Variants in PFKFB2 observed in about 807,000 individuals in gnomAD.
PFKFB2 encodes 6-phosphofructo-2-kinase/fructose-2,6-biphosphatase 2, also known as 6-phosphofructo-2-kinase/fructose-2,6-bisphosphatase 2.
PFKFB2 carries 53 observed loss-of-function variants against 68.0 expected under a neutral mutation model. The observed-to-expected ratio is 0.78, with a 90% CI of 0.63 to 0.98. The LOEUF is 0.98. Ranked by LOEUF, PFKFB2 falls within the 50% of genes least tolerant of loss-of-function variation. The pLI, the probability that PFKFB2 is intolerant of heterozygous loss-of-function variation, is 0.00. For missense variants in PFKFB2, 451 were observed against 642.0 expected (o/e 0.70, Z 3.22); for synonymous variants, 222 against 227.6 (o/e 0.98, Z 0.22).
At chr1:207,047,908 TAA>T (rs1479303984) in intron 2 of PFKFB2, 1 of 152,230 alleles carries the variant, frequency 6.6e-6, no homozygotes, top group East Asian at 1.9e-4. Flanking sequence ...TGAAATTATT[TAA>T]AATAACTTTA....
chr1:207,047,683 G>C (rs1239014791), intron 2 of PFKFB2: 1 of 152,602 alleles, frequency 6.6e-6, no homozygotes, highest in Non-Finnish European at 1.5e-5. Context: ...GTTTTAGAGG[G>C]TGTGCCTTGC....
At chr1:207,049,386 A>C, upstream of PFKFB2, 1 of 1,614,172 alleles carries the variant, frequency 6.2e-7, no homozygotes, top group Non-Finnish European at 8.5e-7. Flanking sequence ...ACTTGGACAA[A>C]ATCGATATCT....
intron 2 of PFKFB2, among the ~76,000 whole-genome samples, chr1:207,059,571 T>G (rs1041399351): frequency 2.0e-5 from 3 of 152,164 alleles, no homozygotes; most frequent in African/African-American, 7.2e-5. Flanking sequence ...TGAAAATCAC[T>G]TATGTTGCTC....
intron 2 of PFKFB2, among the ~76,000 whole-genome samples, chr1:207,056,011 T>G (rs1034055067): frequency 1.3e-5 from 2 of 152,194 alleles, no homozygotes; most frequent in Admixed American, 6.5e-5. Context: ...TCAGACTGCC[T>G]GAGTTTGAAT....
intron 2 of PFKFB2, chr1:207,048,197 A>G (rs1682643713): frequency 6.6e-6 from 1 of 152,654 alleles, no homozygotes; most frequent in Admixed American, 6.5e-5. Context: ...GAATTGCATT[A>G]AAACACGAGG....
chr1:207,050,429 A>G (rs1682710037), upstream of PFKFB2, among the ~76,000 whole-genome samples: 1 of 152,214 alleles, frequency 6.6e-6, no homozygotes, highest in African/African-American at 2.4e-5. Context: ...GGATAGTTTC[A>G]AAGCCGACCA....
intron 9 of PFKFB2, among the ~76,000 whole-genome samples, 165 bp downstream of exon 9, chr1:207,067,871 G>T (rs1269896400): frequency 6.6e-6 from 1 of 152,188 alleles, no homozygotes; most frequent in Non-Finnish European, 1.5e-5. Context: ...GTCTAGCTCT[G>T]TGTTAAAGAG....
chr1:207,064,906 G>A lies in PFKFB2; in HGVS notation c.508-130G>A. 16 of 1,044,124 alleles carry A rather than the reference G, an allele frequency of 1.5e-5. No individual in the cohort carries two copies. In the South Asian group the frequency reaches 2.5e-4, roughly 16 times the overall value. The allele number at this position is 1,044,124 out of a possible 1,614,324, so 64.7% of individuals were successfully genotyped here. A position where few individuals can be genotyped will look rare whatever the true frequency, so the allele number is the denominator to read the frequency against. ...GCGGGGCGGGGGGTACTCAATGAGT[G>A]GAGTGCCAATGTTCCAGTGAAAGGC... On this transcript the variant is annotated intron_variant, in intron 7 of 14. Coordinates refer to ENST00000367080, the MANE Select transcript of PFKFB2 (RefSeq NM_006212.2).
chr1:207,058,100 G>A (rs1198683817), intron 2 of PFKFB2, among the ~76,000 whole-genome samples: 1 of 152,216 alleles, frequency 6.6e-6, no homozygotes, highest in Non-Finnish European at 1.5e-5. Context: ...AAATTGGGCA[G>A]CATCAACTAT....
chr1:207,061,183 A>ATCTT (rs576911836), intron 2 of PFKFB2, among the ~76,000 whole-genome samples: 22 of 105,162 alleles, frequency 2.1e-4, no homozygotes, highest in African/African-American at 3.4e-4. Flanking sequence ...ATATATATAT[A>ATCTT]TATATATATA....
At chr1:207,040,513 C>T (rs1218956799) in intron 1 of PFKFB2, among the ~76,000 whole-genome samples, 2 of 151,470 alleles carry the variant, frequency 1.3e-5, no homozygotes, top group Middle Eastern at 6.4e-3. Flanking sequence ...TCTTTGAGAG[C>T]TATTAATAGT....
intron 1 of PFKFB2, among the ~76,000 whole-genome samples, chr1:207,035,916 C>T (rs1373295253): frequency 6.6e-6 from 1 of 152,082 alleles, no homozygotes; most frequent in Non-Finnish European, 1.5e-5. Context: ...TATAATGACT[C>T]ATTATTAACA....
chr1:207,063,671 T>A lies in PFKFB2; in HGVS notation c.451-102T>A, dbSNP rs1683186246. On this transcript the variant is annotated intron_variant, in intron 6 of 14. Transcript: ENST00000367080. This position sits in a 1 kb window ranked among gnomAD's most constrained non-coding sequence, Gnocchi z 4.1. Reference sequence around the variant, plus strand: ...TTGAGGGCCACTTTCATGAAGAAAATCCTGGGAGATGTGGTGGCTGGGTGG... The same window carrying A: ...TTGAGGGCCACTTTCATGAAGAAAAACCTGGGAGATGTGGTGGCTGGGTGG... 1.0e-6 allele frequency: 1 copy of A among 991,350 alleles called. No individual in the cohort carries two copies. The highest frequency in any genetic ancestry group is 1.7e-5 in the Admixed American group (1 of 58,648). The allele number at this position is 991,350 out of a possible 1,614,324, so 61.4% of individuals were successfully genotyped here. A position where few individuals can be genotyped will look rare whatever the true frequency, so the allele number is the denominator to read the frequency against.
In PFKFB2 at chr1:207,075,582, G is replaced by C. The variant is rs1219247581; in HGVS notation, c.*3211G>C. On this transcript the variant is annotated 3_prime_UTR_variant, in exon 15 of 15. Coordinates refer to ENST00000367080, the MANE Select transcript of PFKFB2 (RefSeq NM_006212.2). ...GGACTTAAAAGTACTCTCTGCTGAG[G>C]CTGTAAGTTTTGTTTTGTGAGAAAT... 2 of 985,244 alleles carry C rather than the reference G, an allele frequency of 2.0e-6. No individual in the cohort carries two copies. The highest frequency in any genetic ancestry group is 2.4e-6 in the Non-Finnish European group (2 of 829,886). 61.0% of individuals were successfully genotyped at this position (985,244 alleles called of 1,614,324 possible).
intron 2 of PFKFB2, chr1:207,045,550 T>C (rs1317487078): frequency 6.6e-6 from 1 of 151,598 alleles, no homozygotes; most frequent in Admixed American, 6.6e-5. Flanking sequence ...TCTCCACACA[T>C]GAAAGAACAT....
intron 1 of PFKFB2, among the ~76,000 whole-genome samples, chr1:207,037,202 T>G (rs1357783310): frequency 6.6e-6 from 1 of 152,206 alleles, no homozygotes; most frequent in African/African-American, 2.4e-5. Flanking sequence ...CTATCTTGTC[T>G]TTCTATAACA....
At chr1:207,061,164 TTTA>T (rs1683097424) in intron 2 of PFKFB2, among the ~76,000 whole-genome samples, 1 of 51,512 alleles carries the variant, frequency 1.9e-5, no homozygotes, top group Non-Finnish European at 3.3e-5. Flanking sequence ...TATATATATC[TTTA>T]TATATATATA....
rs1683442526 is a variant in PFKFB2, at chr1:207,070,794, T to C, written c.1222+385T>C. The stretch of plus-strand genomic sequence containing the variant: ...GGGCAGTAAGAAGGTGCCGTTGCCT[T>C]CTTCCATACTTCGCTTCCCGATCTT... On this transcript the variant is annotated intron_variant, in intron 12 of 14. Transcript: ENST00000367080. The surrounding 1 kb of genome is among the most constrained non-coding windows in gnomAD (Gnocchi z 4.2). 1 of 278,692 alleles carries C rather than the reference T, an allele frequency of 3.6e-6. No individual in the cohort carries two copies. Among genetic ancestry groups the C allele is most frequent in the African/African-American group, 2.2e-5 (1 of 44,544 alleles). 17.3% of individuals were successfully genotyped at this position (278,692 alleles called of 1,614,324 possible).
chr1:207,079,493 C>A (rs1019853403), downstream of PFKFB2: 2 of 154,262 alleles, frequency 1.3e-5, no homozygotes, highest in Non-Finnish European at 2.9e-5. Flanking sequence ...TACCATTTGC[C>A]ACATTGGAAG....
Sources: allele counts gnomAD v4.1 joint callset (sites outside exome capture counted in the v4.1 genomes callset), GRCh38; gene constraint gnomAD v4.1.1; non-coding constraint Gnocchi (gnomAD v3.1); transcripts MANE v1.5; gene names NCBI Gene and HGNC (gene_info 2026-07-23, HGNC 2026-07-21).